The following CPNE8 variants were observed in gnomAD, a reference collection of about 807,000 sequenced individuals.
CPNE8 encodes the protein copine 8.
A neutral mutation model predicts 81.5 loss-of-function variants in CPNE8; 45 were observed. The observed-to-expected ratio is 0.55, with a 90% CI of 0.44 to 0.71. CPNE8 has a LOEUF of 0.71. Among genes scored for constraint, CPNE8 ranks in the 30% least tolerant of loss-of-function variants. CPNE8 has a pLI of 0.00. For missense variants in CPNE8, 594 were observed against 672.1 expected, an observed-to-expected ratio of 0.88 and a Z score of 1.28; for synonymous variants, 252 against 226.3, an observed-to-expected ratio of 1.11 and a Z score of -1.02.
At chr12:38,712,235 T>C (rs1283344736) in intron 13 of CPNE8, among the ~76,000 whole-genome samples, 1 of 150,346 alleles carries the variant, frequency 6.7e-6, no homozygotes, top group Non-Finnish European at 1.5e-5. Context: ...AGAAGAGATC[T>C]TGCTCTGTTG....
intron 19 of CPNE8, among the ~76,000 whole-genome samples, chr12:38,658,075 A>G (rs1404306675): frequency 2.0e-5 from 3 of 152,210 alleles, no homozygotes; most frequent in African/African-American, 7.2e-5. Flanking sequence ...AGTAGGCTTC[A>G]GAAGGTCGGT....
At chr12:38,746,851 T>G (rs1468487428) in intron 10 of CPNE8, among the ~76,000 whole-genome samples, 1 of 152,208 alleles carries the variant, frequency 6.6e-6, no homozygotes, top group Non-Finnish European at 1.5e-5. Flanking sequence ...AAAAAGAGAT[T>G]GAATTTGCAT....
intron 10 of CPNE8, among the ~76,000 whole-genome samples, chr12:38,754,990 C>T (rs1941428464): frequency 6.6e-6 from 1 of 152,102 alleles, no homozygotes; most frequent in Non-Finnish European, 1.5e-5. Context: ...TTTACAAATG[C>T]TTCTTCTAAA....
At chr12:38,796,575 C>A (rs1420818908) in intron 6 of CPNE8, among the ~76,000 whole-genome samples, 1 of 152,058 alleles carries the variant, frequency 6.6e-6, no homozygotes, top group East Asian at 1.9e-4. Context: ...GCCAAGATGG[C>A]CGAATAGGAA....
At chr12:38,738,771 CT>C (rs201133008) in intron 10 of CPNE8, among the ~76,000 whole-genome samples, 1,585 of 150,414 alleles carry the variant, frequency 0.011, 32 homozygotes, top group African/African-American at 0.036. Flanking sequence ...TACATCATTA[CT>C]TTTCTCACCT....
At chr12:38,834,632 C>A (rs547331938) in intron 5 of CPNE8, among the ~76,000 whole-genome samples, 3 of 152,280 alleles carry the variant, frequency 2.0e-5, no homozygotes, top group African/African-American at 7.2e-5. Flanking sequence ...TCCAGTCTTG[C>A]TTCCTCAACC....
chr12:38,880,939 G>C (rs542907444), intron 1 of CPNE8, among the ~76,000 whole-genome samples: 1 of 152,062 alleles, frequency 6.6e-6, no homozygotes, highest in Non-Finnish European at 1.5e-5. Flanking sequence ...GGCCGGGAGC[G>C]GTGGCTCATG....
intron 6 of CPNE8, among the ~76,000 whole-genome samples, chr12:38,805,568 A>G (rs1444905855): frequency 1.8e-5 from 2 of 109,280 alleles, no homozygotes; most frequent in South Asian, 3.9e-4. Context: ...GCTAGATGAC[A>G]CGTTAGTGGG....
chr12:38,760,823 G>A, intron 10 of CPNE8, 24 bp downstream of exon 10: 3 of 1,578,174 alleles, frequency 1.9e-6, no homozygotes, highest in Non-Finnish European at 2.6e-6. Flanking sequence ...CAGTTCAAGA[G>A]TAAGAAGATA....
At chr12:38,789,421 C>T (rs993307028) in intron 6 of CPNE8, among the ~76,000 whole-genome samples, 2 of 151,760 alleles carry the variant, frequency 1.3e-5, no homozygotes, top group African/African-American at 2.4e-5. Context: ...GAAACTAGAC[C>T]CCTATCTTTT....
chr12:38,800,609 T>A (rs1180415080), intron 6 of CPNE8, among the ~76,000 whole-genome samples: 2 of 18,650 alleles, frequency 1.1e-4, no homozygotes, highest in African/African-American at 1.7e-4. Flanking sequence ...CCTCTCCTCC[T>A]CCAAAGGAAC....
intron 5 of CPNE8, among the ~76,000 whole-genome samples, chr12:38,835,897 C>T (rs1523118): frequency 0.38 from 57,357 of 151,766 alleles, 13,008 homozygotes; most frequent in Non-Finnish European, 0.51. Flanking sequence ...TGGTGCCTTC[C>T]GCAACCAACC....
chr12:38,783,667 A>G (rs1942103711), intron 6 of CPNE8, among the ~76,000 whole-genome samples: 1 of 152,208 alleles, frequency 6.6e-6, no homozygotes, highest in Admixed American at 6.5e-5. Flanking sequence ...GGCTCAGAAC[A>G]AAGAAAGAGA....
At chr12:38,821,450 C>T (rs997107455) in intron 6 of CPNE8, among the ~76,000 whole-genome samples, 1 of 152,146 alleles carries the variant, frequency 6.6e-6, no homozygotes, top group Non-Finnish European at 1.5e-5. Context: ...AGTTACCATT[C>T]GTAAAATAAT....
intron 1 of CPNE8, among the ~76,000 whole-genome samples, chr12:38,894,219 T>C (rs1250694743): frequency 6.6e-6 from 1 of 152,158 alleles, no homozygotes; most frequent in East Asian, 1.9e-4. Context: ...AGATGCCATA[T>C]ATATGACATT....
At chr12:38,768,578 G>A (rs1408256165) in intron 7 of CPNE8, among the ~76,000 whole-genome samples, 1 of 152,158 alleles carries the variant, frequency 6.6e-6, no homozygotes, top group African/African-American at 2.4e-5. Flanking sequence ...GGAGTGCAGT[G>A]GCATGATCTC....
At chr12:38,664,618 T>A (rs940256602) in intron 19 of CPNE8, among the ~76,000 whole-genome samples, 4 of 152,126 alleles carry the variant, frequency 2.6e-5, no homozygotes, top group Non-Finnish European at 4.4e-5. Flanking sequence ...TATGCAGATG[T>A]TTTTTAATTG....
At chr12:38,886,115 G>T (rs970305748) in intron 1 of CPNE8, among the ~76,000 whole-genome samples, 5 of 152,052 alleles carry the variant, frequency 3.3e-5, no homozygotes, top group Non-Finnish European at 7.4e-5. Flanking sequence ...TATAATTCTG[G>T]CACCCAAGAA....
intron 6 of CPNE8, among the ~76,000 whole-genome samples, chr12:38,824,453 A>T (rs1943155969): frequency 6.6e-6 from 1 of 152,152 alleles, no homozygotes; most frequent in Admixed American, 6.5e-5. Context: ...CAGTTATCAT[A>T]AATTTAAAAA....
Sources: gnomAD v4.1 joint callset for allele counts (sites outside exome capture counted in the v4.1 genomes callset) on GRCh38, gnomAD v4.1.1 for gene constraint, MANE v1.5 for transcripts, NCBI Gene and HGNC (gene_info 2026-07-23, HGNC 2026-07-21) for gene names.